IKBKB: variants seen among roughly 807,000 people sequenced by gnomAD.
The protein encoded by IKBKB is inhibitor of nuclear factor kappa-B kinase subunit beta.
Under a neutral mutation model 113.6 loss-of-function variants are expected in IKBKB, and 42 were observed. That is an observed-to-expected ratio of 0.37 (90% CI 0.29 to 0.48). IKBKB has a LOEUF of 0.48. Among genes scored for constraint, IKBKB ranks in the 20% least tolerant of loss-of-function variants. The pLI is 0.99. For synonymous variants in IKBKB, 296 were observed against 361.3 expected (o/e 0.82, Z 2.05); for missense variants, 673 against 939.7 (o/e 0.72, Z 3.71).
intron 21 of IKBKB, chr8:42,329,523 A>G (rs1821415138): frequency 4.5e-6 from 4 of 883,874 alleles, no homozygotes; most frequent in Non-Finnish European, 4.1e-6. Context: ...TTTCTAGTAC[A>G]CATTTTTTAT....
At chr8:42,272,448 A>ATT (rs767252211) in intron 2 of IKBKB, 2 of 599,712 alleles carry the variant, frequency 3.3e-6, no homozygotes, top group Non-Finnish European at 3.0e-6. Context: ...CTTAGTCTCT[A>ATT]TTATATATAT....
rs1415851575 is a variant in IKBKB, at chr8:42,320,941, G to C, written c.1688+97G>C. 5.9e-6 allele frequency: 4 copies of C among 680,274 alleles called. No homozygotes were observed. The East Asian group carries it at 1.2e-4, about 20-fold the overall frequency. The allele number at this position is 680,274 out of a possible 1,614,324, so 42.1% of individuals were successfully genotyped here. A position where few individuals can be genotyped will look rare whatever the true frequency, so the allele number is the denominator to read the frequency against. ...AAGGGCACCCTCAGTGGCTGTGCGG[G>C]ACCATTCTCTAGAGCATGCTTCCCT... On this transcript the variant is annotated intron_variant, in intron 16 of 21. Coordinates refer to ENST00000520810, the MANE Select transcript of IKBKB (RefSeq NM_001556.3).
rs1256558042 is a variant in IKBKB, at chr8:42,331,364, G to C, written c.*385G>C. 7 of 702,822 alleles carry C rather than the reference G, an allele frequency of 1.0e-5. No homozygotes were observed. The African/African-American group carries it at 1.2e-4, about 12-fold the overall frequency. The allele number at this position is 702,822 out of a possible 1,614,324, so 43.5% of individuals were successfully genotyped here. A position where few individuals can be genotyped will look rare whatever the true frequency, so the allele number is the denominator to read the frequency against. On this transcript the variant is annotated 3_prime_UTR_variant, in exon 22 of 22. Transcript: ENST00000520810. ...GAGAAAAGTGCTTGGAGTACGGTTT[G>C]CCACACACGTGACTGGACAGTGTCC... is the stretch of plus-strand genomic sequence containing the variant.
chr8:42,282,961 C>T (rs760478926), intron 2 of IKBKB, among the ~76,000 whole-genome samples: 8 of 152,196 alleles, frequency 5.3e-5, no homozygotes, highest in East Asian at 1.9e-4. Flanking sequence ...AACTCTAGGG[C>T]GAAGCTGAGC....
chr8:42,309,350 T>A (rs1585720448), intron 8 of IKBKB: 1 of 393,598 alleles, frequency 2.5e-6, no homozygotes, highest in East Asian at 5.8e-5. Context: ...GAATGCTGTG[T>A]GTTAGTAAAC....
chr8:42,321,344 C>T (rs1819745561), intron 16 of IKBKB: 1 of 158,130 alleles, frequency 6.3e-6, no homozygotes, highest in African/African-American at 2.4e-5. Context: ...CACATGTGCT[C>T]CTGGCGTACA....
At chr8:42,275,990 G>A (rs566023577) in intron 2 of IKBKB, among the ~76,000 whole-genome samples, 1 of 152,222 alleles carries the variant, frequency 6.6e-6, no homozygotes, top group East Asian at 1.9e-4. Flanking sequence ...ACAGGTACAT[G>A]CCACCATACC....
intron 5 of IKBKB, among the ~76,000 whole-genome samples, chr8:42,303,629 C>T (rs1211852003): frequency 2.0e-5 from 3 of 151,962 alleles, no homozygotes; most frequent in South Asian, 2.1e-4. Flanking sequence ...CTCAGCCTCC[C>T]GAGTAGCTGG....
At chr8:42,295,527 C>G (rs1813594125) in intron 5 of IKBKB, among the ~76,000 whole-genome samples, 1 of 152,146 alleles carries the variant, frequency 6.6e-6, no homozygotes, top group South Asian at 2.1e-4. Context: ...GAGTTCAAGA[C>G]CAGCCTGACC....
At chr8:42,285,978 A>C (rs2130246210) in intron 2 of IKBKB, among the ~76,000 whole-genome samples, 1 of 152,306 alleles carries the variant, frequency 6.6e-6, no homozygotes, top group Non-Finnish European at 1.5e-5. Context: ...GACATGTTCT[A>C]AAGTGTGCCG....
intron 21 of IKBKB, chr8:42,329,858 C>T: frequency 9.1e-6 from 9 of 985,438 alleles, no homozygotes; most frequent in Non-Finnish European, 1.1e-5. Flanking sequence ...GCATCATTTG[C>T]TTAGATCTTT....
At chr8:42,323,676 A>G (rs550419308) in intron 19 of IKBKB, among the ~76,000 whole-genome samples, 1 of 152,326 alleles carries the variant, frequency 6.6e-6, no homozygotes, top group Admixed American at 6.5e-5. Context: ...TGCAGAGAAC[A>G]GAGGGGCTGG....
intron 15 of IKBKB, chr8:42,320,312 G>T: frequency 5.7e-6 from 1 of 176,724 alleles, no homozygotes; most frequent in Non-Finnish European, 1.2e-5. Flanking sequence ...TCCCCATCTT[G>T]GGACTCATAA....
chr8:42,280,752 T>C (rs1001400604), intron 2 of IKBKB, among the ~76,000 whole-genome samples: 58 of 151,948 alleles, frequency 3.8e-4, no homozygotes, highest in Non-Finnish European at 2.1e-4. Context: ...GGGATGCTCG[T>C]TGGGGTGGAG....
intron 5 of IKBKB, among the ~76,000 whole-genome samples, chr8:42,299,417 C>T (rs936733005): frequency 2.0e-5 from 3 of 152,186 alleles, no homozygotes; most frequent in Non-Finnish European, 2.9e-5. Flanking sequence ...CCAGCCCCTT[C>T]GCCGTACCTT....
chr8:42,278,481 A>G (rs1585530521), intron 2 of IKBKB, among the ~76,000 whole-genome samples: 1 of 152,198 alleles, frequency 6.6e-6, no homozygotes, highest in South Asian at 2.1e-4. Context: ...GCCTTGATCC[A>G]TAGTGTGCAG....
chr8:42,284,051 A>T (rs1394300050), intron 2 of IKBKB, among the ~76,000 whole-genome samples: 1 of 152,156 alleles, frequency 6.6e-6, no homozygotes, highest in African/African-American at 2.4e-5. Context: ...GCCTAACTGG[A>T]GGCAAGTGTC....
intron 2 of IKBKB, among the ~76,000 whole-genome samples, chr8:42,273,566 A>G (rs1808280673): frequency 6.6e-6 from 1 of 152,098 alleles, no homozygotes; most frequent in Non-Finnish European, 1.5e-5. Flanking sequence ...ATTTCAAATA[A>G]TTAACATTTT....
intron 5 of IKBKB, among the ~76,000 whole-genome samples, chr8:42,304,743 T>C (rs1481570959): frequency 1.3e-5 from 2 of 152,192 alleles, no homozygotes. Context: ...CTATAGAATT[T>C]AGATTTTTGA....
Sources: gnomAD v4.1 joint callset for allele counts (sites outside exome capture counted in the v4.1 genomes callset) on GRCh38, gnomAD v4.1.1 for gene constraint, MANE v1.5 for transcripts, NCBI Gene and HGNC (gene_info 2026-07-23, HGNC 2026-07-21) for gene names.